The following TBC1D1 variants were observed in gnomAD, a reference collection of about 807,000 sequenced individuals.
TBC1D1 encodes TBC1 (tre-2/USP6, BUB2, cdc16) domain family, member 1.
A neutral mutation model predicts 125.6 loss-of-function variants in TBC1D1; 89 were observed. The observed-to-expected ratio is 0.71, with a 90% CI of 0.60 to 0.85. TBC1D1 has a LOEUF of 0.85. TBC1D1 is among the 40% of genes least tolerant of loss of function. The pLI is 0.00. For synonymous variants in TBC1D1, 565 were observed against 564.1 expected, an observed-to-expected ratio of 1.00 and a Z score of -0.02; for missense variants, 1,377 against 1,469.2, an observed-to-expected ratio of 0.94 and a Z score of 1.03.
chr4:37,961,813 A>G (rs1323823109), intron 2 of TBC1D1, among the ~76,000 whole-genome samples: 1 of 152,226 alleles, frequency 6.6e-6, no homozygotes, highest in Non-Finnish European at 1.5e-5. Flanking sequence ...ATGACAGGCC[A>G]AAGTTTCCAA....
intron 2 of TBC1D1, among the ~76,000 whole-genome samples, chr4:37,960,052 A>G (rs1729675175): frequency 6.6e-6 from 1 of 152,290 alleles, no homozygotes; most frequent in African/African-American, 2.4e-5. Flanking sequence ...AAAGTACATT[A>G]TAAATTAGAA....
chr4:37,919,226 G>A, intron 2 of TBC1D1, among the ~76,000 whole-genome samples: 1 of 152,066 alleles, frequency 6.6e-6, no homozygotes, highest in East Asian at 1.9e-4. Context: ...GAAGTGCAGT[G>A]GTGTGATCTC....
At position 37,911,131 on chromosome 4, in the gene TBC1D1, C is replaced by CTTT. The variant is rs71658745; in HGVS notation, c.417+8640_417+8642dup. ...AGTGACCGTAGGTTCTCCCCTCCTCCTTTTTTTTTTTTTTTTTTTTTTTGG... is the reference window on the plus strand; with the variant it reads ...AGTGACCGTAGGTTCTCCCCTCCTCCTTTTTTTTTTTTTTTTTTTTTTTTTTGG... On this transcript the variant is annotated intron_variant, in intron 2 of 19. Transcript: ENST00000261439. Among the ~76,000 whole-genome samples the CTTT allele has an allele frequency of 3.6e-3, 339 of 94,846 alleles. 1 individual carries two copies. Among genetic ancestry groups the CTTT allele is most frequent in the East Asian group, 8.6e-3 (26 of 3,034 alleles). 62.2% of individuals were successfully genotyped at this position (94,846 alleles called of 152,430 possible).
At chr4:38,041,730 A>G (rs1417838089) in intron 8 of TBC1D1, among the ~76,000 whole-genome samples, 2 of 152,240 alleles carry the variant, frequency 1.3e-5, no homozygotes, top group Admixed American at 6.5e-5. Flanking sequence ...CCATTCATTT[A>G]GTTTCAACTA....
chr4:38,019,892 T>A (rs2152434344), intron 4 of TBC1D1, among the ~76,000 whole-genome samples: 1 of 152,332 alleles, frequency 6.6e-6, no homozygotes, highest in South Asian at 2.1e-4. Flanking sequence ...AATACAAATA[T>A]ATTTTAAATA....
chr4:38,126,125 C>A (rs1303578123), intron 18 of TBC1D1, among the ~76,000 whole-genome samples: 1 of 152,224 alleles, frequency 6.6e-6, no homozygotes, highest in Non-Finnish European at 1.5e-5. Flanking sequence ...CCCTACAAAT[C>A]TGTATGACAT....
intron 2 of TBC1D1, among the ~76,000 whole-genome samples, chr4:37,923,559 T>C (rs180940061): frequency 3.3e-4 from 51 of 152,328 alleles, no homozygotes; most frequent in East Asian, 1.7e-3. Flanking sequence ...CCCTGCACTT[T>C]TCAAGTGCAC....
chr4:38,119,759 G>A (rs1290698998), intron 17 of TBC1D1, among the ~76,000 whole-genome samples: 5 of 152,178 alleles, frequency 3.3e-5, no homozygotes, highest in African/African-American at 1.2e-4. Flanking sequence ...GATGGAAATG[G>A]GGAGGAGGGA....
At chr4:37,978,886 T>C (rs1306505562) in intron 2 of TBC1D1, among the ~76,000 whole-genome samples, 1 of 152,198 alleles carries the variant, frequency 6.6e-6, no homozygotes, top group Non-Finnish European at 1.5e-5. Context: ...TTCAAAATTA[T>C]TATTTTTGAG....
chr4:38,114,856 A>G (rs1218186331), intron 15 of TBC1D1, among the ~76,000 whole-genome samples: 2 of 152,252 alleles, frequency 1.3e-5, no homozygotes, highest in East Asian at 3.9e-4. Context: ...CTGTTTCAAA[A>G]CACTGCCTAT....
intron 12 of TBC1D1, among the ~76,000 whole-genome samples, chr4:38,063,902 T>G (rs192011827): frequency 2.0e-5 from 3 of 152,336 alleles, no homozygotes; most frequent in Non-Finnish European, 4.4e-5. Flanking sequence ...GTGTTGGGAT[T>G]ACAGGCGTGA....
chr4:37,896,132 A>G (rs947852454), intron 1 of TBC1D1, among the ~76,000 whole-genome samples: 8 of 152,202 alleles, frequency 5.3e-5, no homozygotes, highest in African/African-American at 1.7e-4. Flanking sequence ...GGGGTCCCCA[A>G]CAGCCAATCA....
At chr4:37,994,939 CTTCTT>C (rs1439764471) in intron 2 of TBC1D1, among the ~76,000 whole-genome samples, 2 of 137,216 alleles carry the variant, frequency 1.5e-5, no homozygotes, top group African/African-American at 5.6e-5. Context: ...GAGCTGAGGG[CTTCTT>C]TTTTGTTTTT....
At chr4:38,076,137 G>T (rs189261046) in intron 12 of TBC1D1, among the ~76,000 whole-genome samples, 2 of 152,274 alleles carry the variant, frequency 1.3e-5, no homozygotes, top group South Asian at 2.1e-4. Context: ...CAGCATGGCT[G>T]GGGAGACCTC....
chr4:38,046,908 T>C (rs1331185155), intron 10 of TBC1D1, among the ~76,000 whole-genome samples: 1 of 152,070 alleles, frequency 6.6e-6, no homozygotes, highest in Non-Finnish European at 1.5e-5. Flanking sequence ...GAGGGAGTGT[T>C]TGTGGAGGCC....
Position 37,915,386 on chromosome 4 carries a change from G to A in TBC1D1, c.417+12874G>A, listed in dbSNP as rs189733531. On this transcript the variant is annotated intron_variant, in intron 2 of 19. Coordinates refer to ENST00000261439, the MANE Select transcript of TBC1D1 (RefSeq NM_015173.4). ...GGTAAGCCAGTGGTGTAGTTCAAAC[G>A]CCTGAGAGCTGGAGAGCTGAAGTCA... Among the ~76,000 whole-genome samples, 22 of 152,194 alleles carry A rather than the reference G, an allele frequency of 1.4e-4. No homozygotes were observed. The East Asian group carries it at 3.5e-3, about 24-fold the overall frequency.
chr4:37,952,017 A>C, intron 2 of TBC1D1: 1 of 717,688 alleles, frequency 1.4e-6, no homozygotes. Context: ...GCTCATCATC[A>C]CTGTAGGGGA....
At chr4:38,058,574 C>T (rs1752184469) in intron 12 of TBC1D1, among the ~76,000 whole-genome samples, 1 of 152,222 alleles carries the variant, frequency 6.6e-6, no homozygotes, top group African/African-American at 2.4e-5. Flanking sequence ...TACCTTTTAA[C>T]ACCTATTTCA....
At position 38,052,076 on chromosome 4, in the gene TBC1D1, T is replaced by G. The variant is rs980321540; in HGVS notation, c.1911-2123T>G. On this transcript the variant is annotated intron_variant, in intron 11 of 19. Coordinates refer to ENST00000261439, the MANE Select transcript of TBC1D1 (RefSeq NM_015173.4). ...TGCCAAAGAGGTGAGCACACTCACG[T>G]GGCAAGTTTGGTGTTGTCTGTTTTC... 30 of 1,550,620 alleles carry G rather than the reference T, an allele frequency of 1.9e-5. No individual in the cohort carries two copies. Among genetic ancestry groups the G allele is most frequent in the Non-Finnish European group, 2.5e-5 (29 of 1,146,876 alleles).
Sources: allele counts gnomAD v4.1 joint callset (sites outside exome capture counted in the v4.1 genomes callset), GRCh38; gene constraint gnomAD v4.1.1; transcripts MANE v1.5; gene names NCBI Gene and HGNC (gene_info 2026-07-23, HGNC 2026-07-21).